The following PDZRN4 variants were observed in gnomAD, a reference collection of about 807,000 sequenced individuals.
PDZRN4 encodes the protein PDZ domain containing ring finger 4.
A neutral mutation model predicts 99.0 loss-of-function variants in PDZRN4; 70 were observed. The observed-to-expected ratio is 0.71, with a 90% CI of 0.58 to 0.86. The LOEUF is 0.86. Ranked by LOEUF, PDZRN4 falls within the 40% of genes least tolerant of loss-of-function variation. The pLI is 0.00. For synonymous variants in PDZRN4, 551 were observed against 501.6 expected, an observed-to-expected ratio of 1.10 and a Z score of -1.32; for missense variants, 1,474 against 1,331.2, an observed-to-expected ratio of 1.11 and a Z score of -1.67.
At chr12:41,308,429 C>T (rs748881838) in intron 3 of PDZRN4, among the ~76,000 whole-genome samples, 13 of 152,160 alleles carry the variant, frequency 8.5e-5, no homozygotes, top group Middle Eastern at 3.4e-3. Context: ...TCGCATTATT[C>T]ATATGTGTAA....
At chr12:41,215,239 G>A (rs955858473) in intron 3 of PDZRN4, among the ~76,000 whole-genome samples, 2 of 152,010 alleles carry the variant, frequency 1.3e-5, no homozygotes, top group African/African-American at 2.4e-5. Context: ...AATGGAAATT[G>A]TTTACTGGGC....
At chr12:41,531,833 T>C (rs1938666930) in intron 5 of PDZRN4, among the ~76,000 whole-genome samples, 1 of 152,230 alleles carries the variant, frequency 6.6e-6, no homozygotes, top group African/African-American at 2.4e-5. Flanking sequence ...TATTTTAAAA[T>C]CAACTCTTCA....
At chr12:41,560,257 C>T (rs1322170754) in intron 7 of PDZRN4, among the ~76,000 whole-genome samples, 2 of 152,010 alleles carry the variant, frequency 1.3e-5, no homozygotes, top group East Asian at 3.9e-4. Flanking sequence ...TTTGAGTTGC[C>T]CACCTACCTC....
At chr12:41,247,527 A>G (rs77710932) in intron 3 of PDZRN4, among the ~76,000 whole-genome samples, 4,989 of 152,266 alleles carry the variant, frequency 0.033, 150 homozygotes, top group East Asian at 0.12. Flanking sequence ...ATGAACAAAT[A>G]TTCTTCCTCT....
intron 3 of PDZRN4, among the ~76,000 whole-genome samples, chr12:41,495,336 C>A (rs1242477459): frequency 1.3e-5 from 2 of 152,136 alleles, no homozygotes; most frequent in African/African-American, 4.8e-5. Flanking sequence ...CTTGGAATGC[C>A]TTTATATACT....
chr12:41,410,306 T>C lies in PDZRN4; in HGVS notation c.844-96150T>C, dbSNP rs886591571. On this transcript the variant is annotated intron_variant, in intron 3 of 9. Transcript: ENST00000402685. ...TAAATATTTCCTAAAAGCTTTCATA[T>C]TCTCATATGCTGGGAAATACACATA... Among the ~76,000 whole-genome samples, 9 of 152,184 alleles carry C rather than the reference T, an allele frequency of 5.9e-5. No individual in the cohort carries two copies. In the South Asian group the frequency reaches 6.2e-4, roughly 11 times the overall value.
At chr12:41,384,268 C>CTT (rs1297943290) in intron 3 of PDZRN4, among the ~76,000 whole-genome samples, 3 of 151,922 alleles carry the variant, frequency 2.0e-5, no homozygotes, top group African/African-American at 7.3e-5. Context: ...ACTCTGGAGA[C>CTT]TTTTTTAAAG....
In PDZRN4 at chr12:41,188,745, TG is replaced by T; in HGVS notation, c.292del (p.Glu98ArgfsTer130). The T allele has an allele frequency of 1.3e-6, 2 of 1,511,132 alleles. No individual in the cohort carries two copies. Among genetic ancestry groups the T allele is most frequent in the Non-Finnish European group, 1.8e-6 (2 of 1,139,620 alleles). 93.6% of individuals were successfully genotyped at this position (1,511,132 alleles called of 1,614,324 possible). A position where few individuals can be genotyped will look rare whatever the true frequency, so the allele number is the denominator to read the frequency against. ...GGCCACTCGGTCAGGCTGCACGAGC[TG>T]GAGGCGCACGTCGAGCACTGCGACT... is the stretch of plus-strand genomic sequence containing the variant. The part of the protein sequence containing the change: ...GCGHSVRLHE[L>X]EAHVEHCDFG... On this transcript the variant is annotated frameshift_variant, in exon 1 of 10. Coordinates refer to ENST00000402685, the MANE Select transcript of PDZRN4 (RefSeq NM_001164595.2). LOFTEE classifies it high-confidence loss of function.
At chr12:41,291,362 G>A (rs1199738569) in intron 3 of PDZRN4, among the ~76,000 whole-genome samples, 1 of 152,124 alleles carries the variant, frequency 6.6e-6, no homozygotes, top group African/African-American at 2.4e-5. Context: ...CGTGAGCATG[G>A]TAGCATTTCT....
chr12:41,292,627 CGCATGATATTATCTTGGCCAT>C (rs1384159868), intron 3 of PDZRN4, among the ~76,000 whole-genome samples: 1 of 152,002 alleles, frequency 6.6e-6, no homozygotes, highest in Non-Finnish European at 1.5e-5. Context: ...TTTTTAAGTA[CGCATGATATTATCTTGGCCAT>C]GCCTGGTAGC....
rs1439163988 is a variant in PDZRN4 at position 41,573,838 on chromosome 12, C to G, written c.3059C>G (p.Ser1020Cys). 1.2e-6 allele frequency: 2 copies of G among 1,603,828 alleles called. No homozygotes were observed. Among genetic ancestry groups the G allele is most frequent in the Non-Finnish European group, 1.7e-6 (2 of 1,175,930 alleles). The part of the protein sequence containing the change: ...IQELMTHGAK[S>C]PDGTRVHNAF... ...GAACTGATGACCCATGGGGCCAAGT[C>G]TCCAGATGGCACGAGAGTCCATAAT... The change falls in exon 10 of 10, where the codon TCT (serine) becomes TGT (cysteine). Residue 1020 changes from serine (S) to cysteine (C), a missense_variant. Coordinates refer to ENST00000402685, the MANE Select transcript of PDZRN4 (RefSeq NM_001164595.2).
rs577990545 is a variant in PDZRN4, at chr12:41,573,083, T to G, written c.2304T>G (p.Asn768Lys). The G allele has an allele frequency of 1.9e-3, 3,009 of 1,613,974 alleles. 71 individuals are homozygous for G. In the South Asian group the frequency reaches 0.031, roughly 17 times the overall value. ...SSLPRVINLT[N>K]KKNLRSTMAA... ...TTCCAAGGGTGATCAACCTCACCAA[T>G]AAGAAAAACCTGAGAAGCACAATGG... Residue 768 changes from asparagine (N) to lysine (K), a missense_variant, in exon 10 of 10, where the codon AAT becomes AAG. Physicochemically the swap from Asn to Lys is moderately conservative, Grantham distance 94. Coordinates refer to ENST00000402685, the MANE Select transcript of PDZRN4 (RefSeq NM_001164595.2).
chr12:41,384,403 A>G (rs1489271013), intron 3 of PDZRN4, among the ~76,000 whole-genome samples: 4 of 152,140 alleles, frequency 2.6e-5, no homozygotes, highest in Non-Finnish European at 1.5e-5. Flanking sequence ...TTTAACACAG[A>G]CAGAAACTTT....
intron 3 of PDZRN4, among the ~76,000 whole-genome samples, chr12:41,315,496 A>G (rs1156720945): frequency 6.6e-6 from 1 of 152,206 alleles, no homozygotes; most frequent in Admixed American, 6.6e-5. Flanking sequence ...AAAAATTAAT[A>G]TGAGCATAAA....
intron 3 of PDZRN4, among the ~76,000 whole-genome samples, chr12:41,244,674 T>C (rs1951122219): frequency 1.3e-5 from 1 of 75,010 alleles, no homozygotes; most frequent in Non-Finnish European, 2.7e-5. Flanking sequence ...TGTCTTTTTT[T>C]TTTTTTTTTT....
rs375877238 is a variant in PDZRN4, at chr12:41,564,709, G to C, written c.1467+1060G>C. On this transcript the variant is annotated intron_variant, in intron 8 of 9. Transcript: ENST00000402685. ...GGGCAGAGTAAAGTTACACACCTGA[G>C]GTCTTAGGAGTGGGGAAAAAAGCCC... 5.3e-5 allele frequency among the ~76,000 whole-genome samples: 8 copies of C among 152,094 alleles called. No individual in the cohort carries two copies. The East Asian group carries it at 7.7e-4, about 15-fold the overall frequency.
At chr12:41,531,027 C>T (rs954444243) in intron 5 of PDZRN4, among the ~76,000 whole-genome samples, 3 of 152,046 alleles carry the variant, frequency 2.0e-5, no homozygotes, top group Non-Finnish European at 4.4e-5. Context: ...CCCCAGTGGG[C>T]ATGTGTTACA....
chr12:41,309,777 T>A (rs1305029778), intron 3 of PDZRN4, among the ~76,000 whole-genome samples: 3 of 151,794 alleles, frequency 2.0e-5, no homozygotes, highest in African/African-American at 7.3e-5. Flanking sequence ...GGTAAAAAAA[T>A]ATTTTTAAAA....
At chr12:41,305,728 G>A (rs1041898206) in intron 3 of PDZRN4, among the ~76,000 whole-genome samples, 1 of 152,080 alleles carries the variant, frequency 6.6e-6, no homozygotes, top group African/African-American at 2.4e-5. Flanking sequence ...TTTGTGGGGG[G>A]ACATGAGCAT....
Sources: allele counts gnomAD v4.1 joint callset (sites outside exome capture counted in the v4.1 genomes callset), GRCh38; gene constraint gnomAD v4.1.1; transcripts MANE v1.5; gene names NCBI Gene and HGNC (gene_info 2026-07-23, HGNC 2026-07-21).